WSCD2: variants seen among roughly 807,000 people sequenced by gnomAD.
WSCD2 encodes the protein sialate:O-sulfotransferase 2.
WSCD2 carries 28 observed loss-of-function variants against 55.7 expected under a neutral mutation model. That is an observed-to-expected ratio of 0.50 (90% CI 0.37 to 0.69). WSCD2 has a LOEUF of 0.69. Among genes scored for constraint, WSCD2 ranks in the 30% least tolerant of loss-of-function variants. The probability of loss-of-function intolerance (pLI) is 0.00; values close to 1 mark genes in which losing one functional copy is unlikely to be tolerated. For synonymous variants in WSCD2, 301 were observed against 301.9 expected (o/e 1.00, Z 0.03); for missense variants, 616 against 762.1 (o/e 0.81, Z 2.26).
intron 6 of WSCD2, among the ~76,000 whole-genome samples, chr12:108,227,452 C>G (rs1336034218): frequency 6.6e-6 from 1 of 152,242 alleles, no homozygotes; most frequent in Non-Finnish European, 1.5e-5. Context: ...CTCCCACTGG[C>G]TGCAACACAG....
intron 4 of WSCD2, among the ~76,000 whole-genome samples, chr12:108,215,414 G>A (rs1254191006): frequency 6.6e-6 from 1 of 152,180 alleles, no homozygotes; most frequent in Non-Finnish European, 1.5e-5. Context: ...GCCACCGAGT[G>A]AGGTAAAGAC....
In WSCD2 at chr12:108,205,330, T is replaced by A. The variant is rs756438829; in HGVS notation, c.383-959T>A. Among the ~76,000 whole-genome samples, 18 of 152,170 alleles carry A rather than the reference T, an allele frequency of 1.2e-4. 1 individual carries two copies. Among genetic ancestry groups the A allele is most frequent in the Non-Finnish European group, 2.2e-4 (15 of 68,040 alleles). On this transcript the variant is annotated intron_variant, in intron 2 of 8. Transcript: ENST00000547525. ...GTATACAACGGTAATAATATTCTCA[T>A]AGGATCGCTGTAAGGATGCAAGGAG...
At chr12:108,134,599 A>G (rs1875977452) in intron 1 of WSCD2, among the ~76,000 whole-genome samples, 1 of 152,026 alleles carries the variant, frequency 6.6e-6, no homozygotes, top group African/African-American at 2.4e-5. Context: ...TGTTTGTTAC[A>G]CACCACTGTC....
chr12:108,157,796 T>C (rs927322282), intron 1 of WSCD2, among the ~76,000 whole-genome samples: 1 of 152,178 alleles, frequency 6.6e-6, no homozygotes, highest in African/African-American at 2.4e-5. Context: ...TATTTGGGTT[T>C]GTGAATCTAG....
chr12:108,148,391 A>G (rs1364583897), intron 1 of WSCD2, among the ~76,000 whole-genome samples: 1 of 152,210 alleles, frequency 6.6e-6, no homozygotes, highest in Non-Finnish European at 1.5e-5. Flanking sequence ...TGTGGTGCTC[A>G]CTACGTGTTT....
chr12:108,182,468 C>T (rs887110722), intron 1 of WSCD2, among the ~76,000 whole-genome samples: 11 of 152,210 alleles, frequency 7.2e-5, no homozygotes, highest in Non-Finnish European at 1.3e-4. Flanking sequence ...AGACAGGTCT[C>T]AATCAGTTTA....
At chr12:108,155,812 T>C (rs1428469502) in intron 1 of WSCD2, among the ~76,000 whole-genome samples, 1 of 152,214 alleles carries the variant, frequency 6.6e-6, no homozygotes, top group Non-Finnish European at 1.5e-5. Flanking sequence ...TGACAAATAC[T>C]ATTGTTATCA....
intron 1 of WSCD2, among the ~76,000 whole-genome samples, chr12:108,136,885 C>T (rs985436733): frequency 6.6e-6 from 1 of 152,180 alleles, no homozygotes; most frequent in Non-Finnish European, 1.5e-5. Flanking sequence ...TCCCCACAGG[C>T]CTGAGGATAG....
rs533827355 is a variant in WSCD2 at position 108,144,281 on chromosome 12, C to T, written c.-552+14355C>T. Among the ~76,000 whole-genome samples, 5 of 152,256 alleles carry T rather than the reference C, an allele frequency of 3.3e-5. No homozygotes were observed. In the South Asian group the frequency reaches 1.0e-3, roughly 32 times the overall value. On this transcript the variant is annotated intron_variant, in intron 1 of 8. Coordinates refer to ENST00000547525, the MANE Select transcript of WSCD2 (RefSeq NM_014653.4). ...TTGTTCTACAAACCTGGGTCATACG[C>T]GTTATGCATTCAGCATCCTTTTTCA...
intron 4 of WSCD2, among the ~76,000 whole-genome samples, chr12:108,211,954 C>T (rs867312893): frequency 1.8e-4 from 27 of 152,108 alleles, no homozygotes; most frequent in Middle Eastern, 6.8e-3. Flanking sequence ...TAAGCCACCA[C>T]ACCCAGCCTC....
intron 2 of WSCD2, among the ~76,000 whole-genome samples, chr12:108,196,665 A>G (rs191100401): frequency 6.6e-5 from 10 of 152,358 alleles, no homozygotes; most frequent in African/African-American, 2.4e-4. Context: ...AAAGTGGGGT[A>G]CCAAGAGCAC....
intron 1 of WSCD2, among the ~76,000 whole-genome samples, chr12:108,176,739 A>ACCATGGATGGATGGGAGTT (rs1220221471): frequency 1.3e-4 from 20 of 152,152 alleles, no homozygotes; most frequent in Non-Finnish European, 7.3e-5. Context: ...TCACATTCCT[A>ACCATGGATGGATGGGAGTT]CCATGGATGG....
chr12:108,188,183 C>A (rs1379857841), intron 1 of WSCD2, among the ~76,000 whole-genome samples: 1 of 151,910 alleles, frequency 6.6e-6, no homozygotes, highest in East Asian at 1.9e-4. Context: ...AGGCTGTGAG[C>A]GTAGGGTAGT....
intron 1 of WSCD2, among the ~76,000 whole-genome samples, chr12:108,140,762 T>A (rs1317859203): frequency 6.6e-6 from 1 of 152,182 alleles, no homozygotes; most frequent in Non-Finnish European, 1.5e-5. Flanking sequence ...CTTGGGCTGC[T>A]GTGATCACTG....
intron 6 of WSCD2, among the ~76,000 whole-genome samples, chr12:108,230,079 C>A (rs1888581814): frequency 6.6e-6 from 1 of 152,178 alleles, no homozygotes; most frequent in South Asian, 2.1e-4. Flanking sequence ...AGGATGTTGT[C>A]ATTGGTTATA....
intron 1 of WSCD2, among the ~76,000 whole-genome samples, chr12:108,194,587 G>A (rs1212857130): frequency 6.6e-6 from 1 of 152,218 alleles, no homozygotes. Context: ...GGAGACAAGT[G>A]TAGATGGCTG....
rs1890262966 is a variant in WSCD2 at position 108,248,777 on chromosome 12, G to A, written c.*434G>A. On this transcript the variant is annotated 3_prime_UTR_variant, in exon 9 of 9. Transcript: ENST00000547525. This position sits in a 1 kb window ranked among gnomAD's most constrained non-coding sequence, Gnocchi z 4.3. ...TGGCCCCAGATGCTTGTCCCTTCTGGGCTGAGATTTCGCAGCCCCCTTCTC... is the reference window on the plus strand; with the variant it reads ...TGGCCCCAGATGCTTGTCCCTTCTGAGCTGAGATTTCGCAGCCCCCTTCTC... 1.0e-6 allele frequency: 1 copy of A among 993,340 alleles called. No homozygotes were observed. 61.5% of individuals were successfully genotyped at this position (993,340 alleles called of 1,614,324 possible). A position where few individuals can be genotyped will look rare whatever the true frequency, so the allele number is the denominator to read the frequency against.
At chr12:108,235,126 T>C in intron 7 of WSCD2, among the ~76,000 whole-genome samples, 1 of 152,212 alleles carries the variant, frequency 6.6e-6, no homozygotes. Flanking sequence ...TATGAGAGCT[T>C]GTGCAAAATT....
rs1883895964 is a variant in WSCD2, at chr12:108,196,168, C to G, written c.336C>G (p.Ser112Arg). The G allele has an allele frequency of 6.2e-7, 1 of 1,613,936 alleles. No homozygotes were observed. Among genetic ancestry groups the G allele is most frequent in the Non-Finnish European group, 8.5e-7 (1 of 1,180,016 alleles). The change falls in exon 2 of 9, where the codon AGC (serine) becomes AGG (arginine). Residue 112 changes from serine (S) to arginine (R), a missense_variant. This residue lies in a region of WSCD2 where 374 missense variants were observed against 467.4 expected (regional missense o/e 0.80). Transcript: ENST00000547525. ...TTGGCGACTACGGTGGAGCCTGGAGCCGAGCCCTCAAGGGGAGGGTTGTCC... is the reference window on the plus strand; with the variant it reads ...TTGGCGACTACGGTGGAGCCTGGAGGCGAGCCCTCAAGGGGAGGGTTGTCC... Reference protein sequence around the residue: ...AKLGDYGGAWSRALKGRVVRE... With the variant: ...AKLGDYGGAWRRALKGRVVRE...
Sources: gnomAD v4.1 joint callset for allele counts (sites outside exome capture counted in the v4.1 genomes callset) on GRCh38, gnomAD v4.1.1 for gene constraint, gnomAD v4.1.1 regional missense constraint, Gnocchi (gnomAD v3.1) non-coding constraint, MANE v1.5 for transcripts, NCBI Gene and HGNC (gene_info 2026-07-23, HGNC 2026-07-21) for gene names.